Variants in SPTLC2 observed in about 807,000 individuals in gnomAD.
SPTLC2 encodes the protein serine palmitoyltransferase long chain base subunit 2.
Under a neutral mutation model 62.0 loss-of-function variants are expected in SPTLC2, and 21 were observed. That is an observed-to-expected ratio of 0.34 (90% CI 0.24 to 0.49). The LOEUF (loss-of-function observed/expected upper bound fraction) is 0.49, where lower values mean the gene tolerates loss of function less well. Among genes scored for constraint, SPTLC2 ranks in the 20% least tolerant of loss-of-function variants. SPTLC2 has a pLI of 0.99. For synonymous variants in SPTLC2, 261 were observed against 261.8 expected, an observed-to-expected ratio of 1.00 and a Z score of 0.03; for missense variants, 511 against 713.0, an observed-to-expected ratio of 0.72 and a Z score of 3.23.
chr14:77,593,117 T>C (rs1225462039), intron 2 of SPTLC2, among the ~76,000 whole-genome samples: 1 of 150,892 alleles, frequency 6.6e-6, no homozygotes, highest in Non-Finnish European at 1.5e-5. Context: ...AAAAAAAAAA[T>C]TAAAAAAATT....
chr14:77,519,122 C>T (rs2079373163), intron 10 of SPTLC2, among the ~76,000 whole-genome samples: 2 of 152,200 alleles, frequency 1.3e-5, no homozygotes, highest in Admixed American at 1.3e-4. Flanking sequence ...TCACCATAAC[C>T]TCCACCTCCC....
intron 3 of SPTLC2, among the ~76,000 whole-genome samples, chr14:77,577,304 C>T (rs1324944237): frequency 1.3e-5 from 2 of 152,080 alleles, no homozygotes; most frequent in Non-Finnish European, 2.9e-5. Context: ...CAATTTGCCA[C>T]ATCTGTTCTT....
At chr14:77,606,747 G>T (rs1271978921) in intron 1 of SPTLC2, among the ~76,000 whole-genome samples, 1 of 152,174 alleles carries the variant, frequency 6.6e-6, no homozygotes, top group Non-Finnish European at 1.5e-5. Flanking sequence ...AACACTTTGG[G>T]AGGCCAAGGC....
At chr14:77,614,062 C>T (rs1271944074) in intron 1 of SPTLC2, among the ~76,000 whole-genome samples, 3 of 152,132 alleles carry the variant, frequency 2.0e-5, no homozygotes, top group Non-Finnish European at 2.9e-5. Flanking sequence ...TCCAACAGAC[C>T]GTTCTTCCAA....
intron 9 of SPTLC2, among the ~76,000 whole-genome samples, chr14:77,524,402 C>T (rs1264922752): frequency 6.6e-6 from 1 of 151,494 alleles, no homozygotes; most frequent in Non-Finnish European, 1.5e-5. Context: ...AATCACAAAC[C>T]TTTTAGCTAT....
At chr14:77,585,047 A>G (rs376963768) in intron 2 of SPTLC2, among the ~76,000 whole-genome samples, 3 of 152,314 alleles carry the variant, frequency 2.0e-5, no homozygotes, top group South Asian at 4.1e-4. Flanking sequence ...TTGTGATGCC[A>G]GCACTCAGAG....
chr14:77,616,609 C>G lies in SPTLC2; in HGVS notation c.-30G>C, dbSNP rs142320856. 3.3e-4 allele frequency: 507 copies of G among 1,534,156 alleles called. 2 individuals carry two copies. In the African/African-American group the frequency reaches 5.4e-3, roughly 16 times the overall value. ...CTGGCAGCACCAGGCGCAAGGCAGG[C>G]TCTGTAGGCGGTGGCAGCGGCGGCG... On this transcript the variant is annotated 5_prime_UTR_variant, in exon 1 of 12. Coordinates refer to ENST00000216484, the MANE Select transcript of SPTLC2 (RefSeq NM_004863.4).
At chr14:77,607,529 T>C (rs1177932029) in intron 1 of SPTLC2, among the ~76,000 whole-genome samples, 5 of 152,238 alleles carry the variant, frequency 3.3e-5, no homozygotes, top group Non-Finnish European at 7.3e-5. Flanking sequence ...GGCTTTCCAA[T>C]GAATTGAGAT....
chr14:77,589,616 C>G (rs2079803841), intron 2 of SPTLC2, among the ~76,000 whole-genome samples: 1 of 151,938 alleles, frequency 6.6e-6, no homozygotes, highest in Non-Finnish European at 1.5e-5. Flanking sequence ...ATGGTGAAAC[C>G]CTGTCTCTAC....
In SPTLC2 at chr14:77,510,319, T is replaced by C. The variant is rs2079325936; in HGVS notation, c.*1965A>G. 5.6e-6 allele frequency: 1 copy of C among 179,358 alleles called. No homozygotes were observed. The highest frequency in any genetic ancestry group is 2.0e-4 in the South Asian group (1 of 5,088). The allele number at this position is 179,358 out of a possible 1,614,324, so 11.1% of individuals were successfully genotyped here. On this transcript the variant is annotated 3_prime_UTR_variant, in exon 12 of 12. Coordinates refer to ENST00000216484, the MANE Select transcript of SPTLC2 (RefSeq NM_004863.4). The stretch of plus-strand genomic sequence containing the variant: ...CTAAACATAACTCATACTCAAGACA[T>C]TAAAAACAAAACTTCACAAACAATA...
intron 1 of SPTLC2, among the ~76,000 whole-genome samples, chr14:77,613,242 T>G (rs1231323468): frequency 6.6e-6 from 1 of 152,208 alleles, no homozygotes; most frequent in Non-Finnish European, 1.5e-5. Context: ...GTACAGAATT[T>G]TCTATCAAGA....
chr14:77,555,234 C>T (rs2079576150), intron 8 of SPTLC2, 66 bp downstream of exon 8: 9 of 1,599,244 alleles, frequency 5.6e-6, no homozygotes, highest in Admixed American at 1.7e-5. Flanking sequence ...ATCTGCTAGG[C>T]CTGAGGTACC....
chr14:77,524,789 G>A (rs769449910), intron 9 of SPTLC2, among the ~76,000 whole-genome samples: 1 of 152,148 alleles, frequency 6.6e-6, no homozygotes, highest in Admixed American at 6.6e-5. Context: ...ACTCATGTGG[G>A]AGCTAAAAAA....
chr14:77,506,661 A>G lies in SPTLC2; in HGVS notation c.*5623T>C, dbSNP rs1303028564. ...GTGACATGTACTCCACTTTCCAGGA[A>G]GACCTGGGCCAAATGACCAAGCTTT... On this transcript the variant is annotated 3_prime_UTR_variant, in exon 12 of 12. Transcript: ENST00000216484. 1 of 152,272 alleles carries G rather than the reference A, an allele frequency of 6.6e-6. No homozygotes were observed. Among genetic ancestry groups the G allele is most frequent in the African/African-American group, 2.4e-5 (1 of 41,466 alleles). The allele number at this position is 152,272 out of a possible 1,614,324, so 9.4% of individuals were successfully genotyped here.
intron 3 of SPTLC2, among the ~76,000 whole-genome samples, chr14:77,578,053 G>A (rs1229794759): frequency 6.6e-6 from 1 of 152,148 alleles, no homozygotes; most frequent in Non-Finnish European, 1.5e-5. Context: ...GCTAAGGTGG[G>A]AGAATCACTT....
At chr14:77,577,870 A>C (rs2079725649) in intron 3 of SPTLC2, among the ~76,000 whole-genome samples, 1 of 152,236 alleles carries the variant, frequency 6.6e-6, no homozygotes, top group Non-Finnish European at 1.5e-5. Context: ...ACTGCACTCC[A>C]GCCTGGGTGA....
At chr14:77,537,936 C>T (rs950762098) in intron 9 of SPTLC2, among the ~76,000 whole-genome samples, 2 of 152,120 alleles carry the variant, frequency 1.3e-5, no homozygotes, top group Admixed American at 6.6e-5. Context: ...CAACATGTTC[C>T]GACCCTTCGG....
intron 11 of SPTLC2, among the ~76,000 whole-genome samples, chr14:77,516,097 G>A (rs934069576): frequency 4.7e-5 from 7 of 148,330 alleles, no homozygotes; most frequent in Non-Finnish European, 7.5e-5. Flanking sequence ...AAATTAATTT[G>A]TATCTCATAA....
chr14:77,597,438 A>G, intron 1 of SPTLC2, 58 bp from the exon 2 acceptor site: 3 of 1,506,928 alleles, frequency 2.0e-6, no homozygotes, highest in Non-Finnish European at 2.8e-6. Context: ...ATTCCTACCT[A>G]AAATCTAGGT....
Sources: allele counts gnomAD v4.1 joint callset (sites outside exome capture counted in the v4.1 genomes callset), GRCh38; gene constraint gnomAD v4.1.1; transcripts MANE v1.5; gene names NCBI Gene and HGNC (gene_info 2026-07-23, HGNC 2026-07-21).